Variants in GINS3 observed in about 807,000 individuals in gnomAD.
The protein encoded by GINS3 is DNA replication complex GINS protein PSF3.
GINS3 carries 18 observed loss-of-function variants against 20.0 expected under a neutral mutation model. The observed-to-expected ratio is 0.90, with a 90% CI of 0.62 to 1.33. The LOEUF is 1.33. Ranked by LOEUF, GINS3 falls within the 40% of genes most tolerant of loss-of-function variation. The pLI, the probability that GINS3 is intolerant of heterozygous loss-of-function variation, is 0.00. For missense variants in GINS3, 254 were observed against 273.6 expected (o/e 0.93, Z 0.51); for synonymous variants, 109 against 107.0 (o/e 1.02, Z -0.12).
chr16:58,405,379 C>G lies in GINS3; in HGVS notation c.*650C>G, dbSNP rs1181259832. 1 of 152,398 alleles carries G rather than the reference C, an allele frequency of 6.6e-6. No homozygotes were observed. Among genetic ancestry groups the G allele is most frequent in the East Asian group, 1.9e-4 (1 of 5,206 alleles). The allele number at this position is 152,398 out of a possible 1,614,324, so 9.4% of individuals were successfully genotyped here. ...TACTCAGGGCTTAATGAACTGGAAT[C>G]TGCATAACTCAGCAGTCAACCCAGA... On this transcript the variant is annotated 3_prime_UTR_variant, in exon 3 of 3. Coordinates refer to ENST00000318129, the MANE Select transcript of GINS3 (RefSeq NM_022770.4).
intron 1 of GINS3, among the ~76,000 whole-genome samples, chr16:58,397,557 C>T (rs932568761): frequency 3.9e-5 from 6 of 152,200 alleles, no homozygotes; most frequent in African/African-American, 1.4e-4. Flanking sequence ...GCCATCCCGG[C>T]ACCTCGGGAG....
At chr16:58,396,063 A>C (rs1965851453) in intron 1 of GINS3, among the ~76,000 whole-genome samples, 1 of 137,466 alleles carries the variant, frequency 7.3e-6, no homozygotes, top group Non-Finnish European at 1.6e-5. Flanking sequence ...CACCTCCCGG[A>C]CGGGGCGGCT....
chr16:58,397,772 G>T (rs1045313139), intron 1 of GINS3, among the ~76,000 whole-genome samples: 3 of 151,946 alleles, frequency 2.0e-5, no homozygotes, highest in East Asian at 1.9e-4. Context: ...GTCCAGCTTC[G>T]GCTCGGCATC....
rs561423503 is a variant in GINS3, at chr16:58,400,942, G to C, written c.187-2156G>C. 5.0e-3 allele frequency among the ~76,000 whole-genome samples: 765 copies of C among 151,968 alleles called. 5 individuals carry two copies. Among genetic ancestry groups the C allele is most frequent in the African/African-American group, 0.016 (671 of 41,458 alleles). On this transcript the variant is annotated intron_variant, in intron 1 of 2. Transcript: ENST00000318129. ...CGAGTCTTCTGCCTCAGCCTCCTGA[G>C]TAGCTAGGATTACAGGCGCCCACCA...
Position 58,403,211 on chromosome 16 carries a change from C to G in GINS3, c.300C>G (p.Phe100Leu). Residue 100 changes from phenylalanine (F) to leucine (L), a missense_variant, in exon 2 of 3, where the codon TTC becomes TTG. Physicochemically the swap from Phe to Leu is conservative, Grantham distance 22. Transcript: ENST00000318129. Reference protein sequence around the residue: ...KIYQEGWRTVFSADPNVVDLH... With the variant: ...KIYQEGWRTVLSADPNVVDLH... ...ACCAAGAGGGTTGGAGGACTGTGTT[C>G]AGTGCAGATCCCAATGTGGTGGACC... is the stretch of plus-strand genomic sequence containing the variant. The G allele has an allele frequency of 6.2e-7, 1 of 1,614,164 alleles. No homozygotes were observed. Among genetic ancestry groups the G allele is most frequent in the Non-Finnish European group, 8.5e-7 (1 of 1,180,024 alleles).
chr16:58,395,787 C>G (rs1965846294), intron 1 of GINS3, among the ~76,000 whole-genome samples: 1 of 152,196 alleles, frequency 6.6e-6, no homozygotes, highest in Non-Finnish European at 1.5e-5. Context: ...CACCTTTCCC[C>G]CCTTTCTATT....
Position 58,399,369 on chromosome 16 carries a change from A to C in GINS3, c.187-3729A>C, listed in dbSNP as rs572757625. 2.6e-5 allele frequency among the ~76,000 whole-genome samples: 4 copies of C among 151,844 alleles called. No homozygotes were observed. The South Asian group carries it at 6.2e-4, about 24-fold the overall frequency. On this transcript the variant is annotated intron_variant, in intron 1 of 2. Coordinates refer to ENST00000318129, the MANE Select transcript of GINS3 (RefSeq NM_022770.4). ...GCCTGTTTATCCTTTTACTTCTGTTAATTTAGACATATATTAATAATTTTC... is the reference window on the plus strand; with the variant it reads ...GCCTGTTTATCCTTTTACTTCTGTTCATTTAGACATATATTAATAATTTTC...
intron 1 of GINS3, among the ~76,000 whole-genome samples, chr16:58,400,239 G>T (rs1367268790): frequency 6.6e-6 from 1 of 152,218 alleles, no homozygotes; most frequent in Non-Finnish European, 1.5e-5. Context: ...AGAGGGAAAG[G>T]TTGCATGGAG....
At chr16:58,396,659 G>A (rs1277647081) in intron 1 of GINS3, among the ~76,000 whole-genome samples, 1 of 111,320 alleles carries the variant, frequency 9.0e-6, no homozygotes. Flanking sequence ...CTGGCCGGGC[G>A]GTGGGCTGAC....
At chr16:58,397,020 A>AC (rs574684912) in intron 1 of GINS3, among the ~76,000 whole-genome samples, 3,025 of 118,854 alleles carry the variant, frequency 0.025, 71 homozygotes, top group Admixed American at 0.073. Context: ...CGGGGGGCTG[A>AC]CCCCCCCACC....
chr16:58,403,521 A>G, intron 2 of GINS3, 190 bp downstream of exon 2: 2 of 545,308 alleles, frequency 3.7e-6, no homozygotes, highest in South Asian at 4.7e-5. Flanking sequence ...ACACACACAC[A>G]TTTTTTTAAT....
intron 1 of GINS3, among the ~76,000 whole-genome samples, chr16:58,397,130 G>A (rs185975405): frequency 0.033 from 4,951 of 151,082 alleles, 142 homozygotes; most frequent in South Asian, 0.092. Context: ...CTTCCCAGAC[G>A]GTGTAGCTGC....
chr16:58,400,512 T>A (rs2151494229), intron 1 of GINS3, among the ~76,000 whole-genome samples: 1 of 152,272 alleles, frequency 6.6e-6, no homozygotes, highest in South Asian at 2.1e-4. Flanking sequence ...GCACAGACAG[T>A]TCAGGCACAC....
At chr16:58,397,659 C>T (rs966417310) in intron 1 of GINS3, among the ~76,000 whole-genome samples, 18 of 152,142 alleles carry the variant, frequency 1.2e-4, no homozygotes, top group Admixed American at 9.8e-4. Context: ...ATACGAAAAC[C>T]AGTCAGGCGT....
At chr16:58,395,337 A>ATTTTT (rs71155263) in intron 1 of GINS3, 1 of 166,600 alleles carries the variant, frequency 6.0e-6, no homozygotes. Context: ...ATATATATAT[A>ATTTTT]TTTTTTTTTT....
intron 1 of GINS3, among the ~76,000 whole-genome samples, chr16:58,400,136 T>C (rs1450418615): frequency 1.3e-5 from 2 of 152,228 alleles, no homozygotes; most frequent in Non-Finnish European, 2.9e-5. Flanking sequence ...AACCCAGATT[T>C]GATGATTCAC....
chr16:58,403,959 G>A (rs1965991742), intron 2 of GINS3: 1 of 159,102 alleles, frequency 6.3e-6, no homozygotes, highest in South Asian at 1.8e-4. Flanking sequence ...AAGAATTGAT[G>A]GAGATGATAA....
chr16:58,401,197 G>C (rs1965949735), intron 1 of GINS3, among the ~76,000 whole-genome samples: 1 of 152,076 alleles, frequency 6.6e-6, no homozygotes, highest in African/African-American at 2.4e-5. Flanking sequence ...AAGGTGGTGT[G>C]TCCGGAGTTT....
chr16:58,401,998 T>C (rs1305306552), intron 1 of GINS3, among the ~76,000 whole-genome samples: 1 of 152,218 alleles, frequency 6.6e-6, no homozygotes, highest in Non-Finnish European at 1.5e-5. Flanking sequence ...AATCTATCGC[T>C]CCTGCCCATC....
Sources: gnomAD v4.1 joint callset for allele counts (sites outside exome capture counted in the v4.1 genomes callset) on GRCh38, gnomAD v4.1.1 for gene constraint, MANE v1.5 for transcripts, NCBI Gene and HGNC (gene_info 2026-07-23, HGNC 2026-07-21) for gene names.